Variants in CHD6 observed in about 807,000 individuals in gnomAD.
CHD6 encodes chromodomain helicase DNA binding protein 6.
In CHD6, 50 loss-of-function variants were observed where a neutral mutation model predicts 276.9. The ratio of observed to expected loss-of-function variants is 0.18; its 90% confidence interval spans 0.14 to 0.23. The LOEUF is 0.23. Ranked by LOEUF, CHD6 falls within the 10% of genes least tolerant of loss-of-function variation. CHD6 has a pLI of 1.00. For synonymous variants in CHD6, 1,173 were observed against 1,229.3 expected (o/e 0.95, Z 0.96); for missense variants, 2,564 against 3,365.8 (o/e 0.76, Z 5.89).
chr20:41,603,584 G>T (rs2045795176), intron 1 of CHD6, among the ~76,000 whole-genome samples: 2 of 150,668 alleles, frequency 1.3e-5, no homozygotes, highest in African/African-American at 2.4e-5. Context: ...ATTCATTTTG[G>T]GCTGGGCACG....
intron 3 of CHD6, among the ~76,000 whole-genome samples, chr20:41,517,816 C>G (rs2044288032): frequency 6.6e-6 from 1 of 152,196 alleles, no homozygotes; most frequent in East Asian, 1.9e-4. Flanking sequence ...AAGTCAGCAG[C>G]AGGGCAGAGG....
intron 1 of CHD6, among the ~76,000 whole-genome samples, chr20:41,587,778 C>T (rs892890436): frequency 1.4e-4 from 21 of 151,948 alleles, no homozygotes; most frequent in African/African-American, 5.1e-4. Context: ...CAAGAGCAGT[C>T]AATGCCTGAA....
chr20:41,534,020 A>C (rs1015445083), intron 2 of CHD6, among the ~76,000 whole-genome samples: 9 of 152,226 alleles, frequency 5.9e-5, no homozygotes, highest in Non-Finnish European at 1.3e-4. Flanking sequence ...TTTGAGCACC[A>C]ACAAATAAAA....
At chr20:41,513,962 C>T (rs925421482) in intron 4 of CHD6, among the ~76,000 whole-genome samples, 1 of 152,186 alleles carries the variant, frequency 6.6e-6, no homozygotes, top group Non-Finnish European at 1.5e-5. Context: ...TAATTCCCTG[C>T]CAAATCCCAT....
At chr20:41,417,828 G>A (rs1164674461) in intron 31 of CHD6, among the ~76,000 whole-genome samples, 1 of 152,192 alleles carries the variant, frequency 6.6e-6, no homozygotes, top group Admixed American at 6.5e-5. Context: ...CCTGATTCAT[G>A]TAAAAAAAGA....
chr20:41,533,843 T>C (rs1000295739), intron 2 of CHD6, among the ~76,000 whole-genome samples: 1 of 152,180 alleles, frequency 6.6e-6, no homozygotes, highest in Non-Finnish European at 1.5e-5. Context: ...TGTGCTGTTC[T>C]GTATGATCAT....
intron 3 of CHD6, among the ~76,000 whole-genome samples, chr20:41,524,630 C>G (rs2044484115): frequency 6.6e-6 from 1 of 152,178 alleles, no homozygotes; most frequent in African/African-American, 2.4e-5. Context: ...TGATGCCTCT[C>G]TAACCCCAAA....
chr20:41,490,954 TA>T (rs1042498887), intron 11 of CHD6, among the ~76,000 whole-genome samples: 7 of 151,732 alleles, frequency 4.6e-5, no homozygotes, highest in Non-Finnish European at 7.4e-5. Context: ...AAATAAACAT[TA>T]AAAAACAAAA....
At chr20:41,444,464 C>G (rs867799620) in intron 25 of CHD6, among the ~76,000 whole-genome samples, 1 of 152,154 alleles carries the variant, frequency 6.6e-6, no homozygotes, top group African/African-American at 2.4e-5. Context: ...CGGACAGCAC[C>G]GCTTTAGCCT....
chr20:41,495,924 C>G (rs998244556), intron 8 of CHD6, among the ~76,000 whole-genome samples: 1 of 152,188 alleles, frequency 6.6e-6, no homozygotes, highest in Non-Finnish European at 1.5e-5. Context: ...TGAGGCTGGG[C>G]TGGGAGGGGC....
At position 41,533,449 on chromosome 20, in the gene CHD6, G is replaced by A; in HGVS notation, c.155C>T (p.Ala52Val). Residue 52 changes from alanine to valine, a missense_variant, in exon 3 of 37, where the codon GCT (alanine) becomes GTT (valine). Transcript: ENST00000373233. ...GTCCTTCTGAGGCAGACAGTGACTA[G>A]CAACATCTTCAATTTTCTCTTCTTG... ...TDQEEKIEDV[A>V]SHCLPQKDLY... The A allele has an allele frequency of 6.2e-7, 1 of 1,614,128 alleles. No individual in the cohort carries two copies. The highest frequency in any genetic ancestry group is 8.5e-7 in the Non-Finnish European group (1 of 1,180,018).
chr20:41,511,006 T>TTA (rs2044103918), intron 5 of CHD6, among the ~76,000 whole-genome samples: 8 of 152,342 alleles, frequency 5.3e-5, no homozygotes, highest in African/African-American at 1.9e-4. Context: ...TATATGCTAG[T>TTA]CACTGATTAA....
Position 41,496,941 on chromosome 20 carries a change from A to G in CHD6, c.1092+443T>C, listed in dbSNP as rs145621510. ...AAATCCATCAGTCCTTCCTCTTGCT[A>G]TAGGTACAATACTTAGAAATTCCCA... On this transcript the variant is annotated intron_variant, in intron 8 of 36. Transcript: ENST00000373233. The G allele has an allele frequency of 6.0e-3, 1,017 of 168,350 alleles. 11 individuals carry two copies. Among genetic ancestry groups the G allele is most frequent in the Middle Eastern group, 0.021 (7 of 326 alleles). 10.4% of individuals were successfully genotyped at this position (168,350 alleles called of 1,614,324 possible). A position where few individuals can be genotyped will look rare whatever the true frequency, so the allele number is the denominator to read the frequency against.
intron 3 of CHD6, 120 bp downstream of exon 3, chr20:41,532,930 G>A (rs1321348712): frequency 8.8e-7 from 1 of 1,142,508 alleles, no homozygotes; most frequent in East Asian, 2.5e-5. Context: ...CAGGTGAGAT[G>A]TGAAGCTTAG....
chr20:41,615,158 T>C (rs2045922990), intron 1 of CHD6, among the ~76,000 whole-genome samples: 1 of 152,240 alleles, frequency 6.6e-6, no homozygotes, highest in Non-Finnish European at 1.5e-5. Flanking sequence ...TATCACTGAC[T>C]AGCTTTATGG....
At chr20:41,515,175 T>C (rs1280518712) in intron 3 of CHD6, among the ~76,000 whole-genome samples, 1 of 152,200 alleles carries the variant, frequency 6.6e-6, no homozygotes, top group Non-Finnish European at 1.5e-5. Context: ...CTATTATAGC[T>C]ACAATTAATA....
intron 1 of CHD6, among the ~76,000 whole-genome samples, chr20:41,575,839 C>T (rs952459628): frequency 6.6e-6 from 1 of 152,072 alleles, no homozygotes; most frequent in African/African-American, 2.4e-5. Flanking sequence ...AGAATCAACT[C>T]TTTTTCAACT....
intron 3 of CHD6, among the ~76,000 whole-genome samples, chr20:41,520,560 T>TATC (rs2044366777): frequency 6.6e-6 from 1 of 150,494 alleles, no homozygotes; most frequent in South Asian, 2.1e-4. Flanking sequence ...CTCAGCAAAC[T>TATC]ATCACAAGGA....
chr20:41,519,059 A>G (rs2044320761), intron 3 of CHD6, among the ~76,000 whole-genome samples: 1 of 152,156 alleles, frequency 6.6e-6, no homozygotes, highest in South Asian at 2.1e-4. Flanking sequence ...AGGCAGGCAG[A>G]CTGCTTGAGC....
Sources: allele counts gnomAD v4.1 joint callset (sites outside exome capture counted in the v4.1 genomes callset), GRCh38; gene constraint gnomAD v4.1.1; transcripts MANE v1.5; gene names NCBI Gene and HGNC (gene_info 2026-07-23, HGNC 2026-07-21).